Variants in FTCD observed in about 807,000 individuals in gnomAD.
FTCD encodes the protein formimidoyltransferase-cyclodeaminase.
FTCD carries 76 observed loss-of-function variants against 62.9 expected under a neutral mutation model. The ratio of observed to expected loss-of-function variants is 1.21; its 90% confidence interval spans 1.00 to 1.46. The LOEUF is 1.46. Ranked by LOEUF, FTCD falls within the 40% of genes most tolerant of loss-of-function variation. The probability of loss-of-function intolerance (pLI) is 0.00; values close to 1 mark genes in which losing one functional copy is unlikely to be tolerated. For synonymous variants in FTCD, 397 were observed against 336.9 expected (o/e 1.18, Z -1.95); for missense variants, 845 against 751.3 (o/e 1.12, Z -1.46).
Position 46,145,412 on chromosome 21 carries a change from C to G in FTCD, c.1260+5G>C, listed in dbSNP as rs766466260. The stretch of plus-strand genomic sequence containing the variant: ...CCGGGGAGCCCTGCTGTGGCCGCCA[C>G]TCACCAGGTAGGCGGTGAAGGCCTC... On this transcript the variant is annotated splice_donor_5th_base_variant and intron_variant, in intron 10 of 13. Coordinates refer to ENST00000397746, the MANE Select transcript of FTCD (RefSeq NM_206965.2). The G allele has an allele frequency of 1.3e-6, 2 of 1,544,178 alleles. No individual in the cohort carries two copies. The highest frequency in any genetic ancestry group is 1.7e-6 in the Non-Finnish European group (2 of 1,144,016).
chr21:46,153,674 A>G (rs1020373445), intron 2 of FTCD, among the ~76,000 whole-genome samples: 2 of 152,162 alleles, frequency 1.3e-5, no homozygotes, highest in African/African-American at 2.4e-5. Flanking sequence ...CTGGCCTCTC[A>G]TGAGCGGCCC....
At chr21:46,136,501 C>T (rs775589169), downstream of FTCD, 13 of 1,612,260 alleles carry the variant, frequency 8.1e-6, no homozygotes, top group East Asian at 1.3e-4. Context: ...GTTTCTGTCC[C>T]ATGCACAGAA....
chr21:46,136,399 A>C (rs994917227), downstream of FTCD: 6 of 1,595,342 alleles, frequency 3.8e-6, no homozygotes, highest in Middle Eastern at 1.7e-4. Context: ...CAGGGCCAGT[A>C]CCGTGCTCTG....
chr21:46,151,173 G>A (rs928719716), intron 5 of FTCD, among the ~76,000 whole-genome samples: 2 of 151,994 alleles, frequency 1.3e-5, no homozygotes, highest in African/African-American at 4.8e-5. Flanking sequence ...AGGCCTGGGG[G>A]CACCTGAAGG....
Position 46,138,581 on chromosome 21 carries a change from G to A in FTCD, c.1370C>T (p.Thr457Met), listed in dbSNP as rs779047080. The A allele has an allele frequency of 2.6e-5, 41 of 1,588,768 alleles. No individual in the cohort carries two copies. The highest frequency in any genetic ancestry group is 1.8e-4 in the East Asian group (8 of 44,396). Residue 457 changes from threonine to methionine, a missense_variant, in exon 12 of 14, where the codon ACG (threonine) becomes ATG (methionine). By Grantham distance (81) the Thr-to-Met change is moderately conservative (BLOSUM62 -1). Coordinates refer to ENST00000397746, the MANE Select transcript of FTCD (RefSeq NM_206965.2). ...AVSVPLTLAE[T>M]VASLWPALQE... Reference sequence around the variant, plus strand: ...CAGGGCCGGCCACAGCGAGGCCACCGTCTCCGCCAGCGTCAGCGGCACAGA... The same window carrying A: ...CAGGGCCGGCCACAGCGAGGCCACCATCTCCGCCAGCGTCAGCGGCACAGA...
At chr21:46,139,511 T>C (rs1021879278) in intron 10 of FTCD, among the ~76,000 whole-genome samples, 3 of 152,180 alleles carry the variant, frequency 2.0e-5, no homozygotes, top group Admixed American at 1.3e-4. Flanking sequence ...CTGGGAGCCC[T>C]ACTCACACGG....
At position 46,150,121 on chromosome 21, in the gene FTCD, G is replaced by T; in HGVS notation, c.904C>A (p.Leu302Met). Reference protein sequence around the residue: ...FILEEEQRIRLVVSRLGLDSL... With the variant: ...FILEEEQRIRMVVSRLGLDSL... ...CCTTCCTCGGCAGCCCGGCCCACCA[G>T]CCTGATCCGCTGCTCCTCCTCCAGG... Residue 302 changes from leucine (L) to methionine (M), a missense_variant and splice_region_variant, in exon 7 of 14, where the codon CTG becomes ATG. Coordinates refer to ENST00000397746, the MANE Select transcript of FTCD (RefSeq NM_206965.2). 1.4e-6 allele frequency: 2 copies of T among 1,401,766 alleles called. No individual in the cohort carries two copies. Among genetic ancestry groups the T allele is most frequent in the Non-Finnish European group, 1.9e-6 (2 of 1,048,136 alleles). The allele number at this position is 1,401,766 out of a possible 1,614,324, so 86.8% of individuals were successfully genotyped here.
intron 3 of FTCD, chr21:46,152,316 A>C: frequency 5.7e-5 from 17 of 298,152 alleles, no homozygotes; most frequent in Non-Finnish European, 7.5e-5. Context: ...CCACATAAAT[A>C]TAACGGCAGA....
At position 46,145,570 on chromosome 21, in the gene FTCD, C is replaced by T. The variant is rs1212755322; in HGVS notation, c.1107G>A (p.Ala369=). Residue 369 remains alanine (A), a synonymous_variant, in exon 10 of 14, where the codon GCG becomes GCA. Transcript: ENST00000397746. ...TCATGAGGCCCACCATGGAGCCCAGCGCCGCACCCTGCGAGAGGGGTGGAT... is the reference window on the plus strand; with the variant it reads ...TCATGAGGCCCACCATGGAGCCCAGTGCCGCACCCTGCGAGAGGGGTGGAT... ...VAAAAAAMGA[A]LGSMVGLMTY... 5 of 1,538,838 alleles carry T rather than the reference C, an allele frequency of 3.2e-6. No individual in the cohort carries two copies. The highest frequency in any genetic ancestry group is 1.2e-5 in the South Asian group (1 of 83,756).
At position 46,153,401 on chromosome 21, in the gene FTCD, AGGCAGCCCC is replaced by A. The variant is rs2079350571; in HGVS notation, c.239-375_239-367del. Among the ~76,000 whole-genome samples, 3 of 152,350 alleles carry A rather than the reference AGGCAGCCCC, an allele frequency of 2.0e-5. 1 individual carries two copies. On this transcript the variant is annotated intron_variant, in intron 2 of 13. Coordinates refer to ENST00000397746, the MANE Select transcript of FTCD (RefSeq NM_206965.2). ...GAAAGGGGTGCAAAGCTCAGCTCTC[AGGCAGCCCC>A]GGCCAGGCCAAGAGGGGGCGCTCGA...
Position 46,145,918 on chromosome 21 carries a change from CG to C in FTCD, c.997del (p.Arg333GlufsTer45), listed in dbSNP as rs1568974130. 17 of 1,502,210 alleles carry C rather than the reference CG, an allele frequency of 1.1e-5. No individual in the cohort carries two copies. The East Asian group carries it at 4.6e-4, about 41-fold the overall frequency. 93.1% of individuals were successfully genotyped at this position (1,502,210 alleles called of 1,614,324 possible). On this transcript the variant is annotated frameshift_variant, in exon 9 of 14. Transcript: ENST00000397746. LOFTEE classifies it high-confidence loss of function. ...GCGCAGGGACTTGCTGCCCAGGCCT[CG>C]CTCAGGCCCGCGCTCAGGGACCAGG... ...EYLVPERGPE[R>X]GLGSKSLRAF...
At chr21:46,136,559 G>C (rs2078871273), downstream of FTCD, 1 of 1,588,068 alleles carries the variant, frequency 6.3e-7, no homozygotes, top group African/African-American at 1.3e-5. Flanking sequence ...CCAGGGACCT[G>C]CACTGAACCC....
At chr21:46,143,802 G>A (rs1265374053) in intron 10 of FTCD, among the ~76,000 whole-genome samples, 1 of 152,142 alleles carries the variant, frequency 6.6e-6, no homozygotes, top group Non-Finnish European at 1.5e-5. Flanking sequence ...ATCGGAAAAG[G>A]CAGTCTCCCT....
At chr21:46,153,280 G>T (rs1285795700) in intron 2 of FTCD, among the ~76,000 whole-genome samples, 1 of 152,190 alleles carries the variant, frequency 6.6e-6, no homozygotes, top group African/African-American at 2.4e-5. Flanking sequence ...CAGTGTGGGG[G>T]AGGTCCTTCA....
intron 10 of FTCD, among the ~76,000 whole-genome samples, chr21:46,140,464 C>T (rs1036528386): frequency 2.0e-5 from 3 of 146,476 alleles, no homozygotes; most frequent in Non-Finnish European, 3.0e-5. Context: ...CAGCACTCCT[C>T]GTCCACCTTC....
chr21:46,140,830 T>G (rs61325315), intron 10 of FTCD, among the ~76,000 whole-genome samples: 94 of 95,216 alleles, frequency 9.9e-4, no homozygotes, highest in African/African-American at 3.7e-3. Context: ...GCCTTCACAT[T>G]GCTCACAGGG....
At chr21:46,151,797 G>T in intron 4 of FTCD, 60 bp from the exon 5 acceptor site, 1 of 1,596,514 alleles carries the variant, frequency 6.3e-7, no homozygotes, top group Non-Finnish European at 8.6e-7. Flanking sequence ...GCCCCCCGGG[G>T]TCCCGGGAAG....
At chr21:46,140,090 G>C (rs1244200075) in intron 10 of FTCD, among the ~76,000 whole-genome samples, 1 of 152,214 alleles carries the variant, frequency 6.6e-6, no homozygotes, top group East Asian at 1.9e-4. Flanking sequence ...GCAAGGTACA[G>C]ATATCTCCTT....
intron 7 of FTCD, among the ~76,000 whole-genome samples, chr21:46,148,531 A>G (rs1043735264): frequency 8.5e-5 from 13 of 152,176 alleles, no homozygotes; most frequent in African/African-American, 3.1e-4. Flanking sequence ...AGGTGGGAAG[A>G]TCACCTGAGC....
Sources: allele counts gnomAD v4.1 joint callset (sites outside exome capture counted in the v4.1 genomes callset), GRCh38; gene constraint gnomAD v4.1.1; transcripts MANE v1.5; gene names NCBI Gene and HGNC (gene_info 2026-07-23, HGNC 2026-07-21).